Variants in CDH18 observed in about 807,000 individuals in gnomAD.
The protein encoded by CDH18 is cadherin-18.
CDH18 carries 31 observed loss-of-function variants against 67.9 expected under a neutral mutation model. That is an observed-to-expected ratio of 0.46 (90% CI 0.34 to 0.62). The LOEUF (loss-of-function observed/expected upper bound fraction) is 0.62, where lower values mean the gene tolerates loss of function less well. CDH18 is among the 20% of genes least tolerant of loss of function. CDH18 has a pLI of 0.01. For synonymous variants in CDH18, 362 were observed against 347.2 expected (o/e 1.04, Z -0.48); for missense variants, 890 against 975.5 (o/e 0.91, Z 1.17).
At chr5:19,815,005 T>C (rs1779139344) in intron 3 of CDH18, among the ~76,000 whole-genome samples, 1 of 152,070 alleles carries the variant, frequency 6.6e-6, no homozygotes, top group Non-Finnish European at 1.5e-5. Context: ...ACTTAGGAAA[T>C]GCTTTCATTA....
At chr5:20,256,962 TA>T (rs370417243) in intron 1 of CDH18, among the ~76,000 whole-genome samples, 31,972 of 112,974 alleles carry the variant, frequency 0.28, 3,988 homozygotes, top group Non-Finnish European at 0.33. Flanking sequence ...TCTATCTATC[TA>T]ATCTATCTAT....
intron 2 of CDH18, among the ~76,000 whole-genome samples, chr5:20,201,547 T>G (rs1474240556): frequency 1.3e-5 from 2 of 152,160 alleles, no homozygotes; most frequent in Admixed American, 6.6e-5. Flanking sequence ...TTTAGTACTT[T>G]GTACCTGGAT....
chr5:19,536,907 G>C lies in CDH18; in HGVS notation c.1390+6962C>G, dbSNP rs568667551. 3.5e-4 allele frequency among the ~76,000 whole-genome samples: 53 copies of C among 152,224 alleles called. No homozygotes were observed. The East Asian group carries it at 9.7e-3, about 28-fold the overall frequency. On this transcript the variant is annotated intron_variant, in intron 9 of 12. Transcript: ENST00000382275. ...CAGATGAGCAGTGGGTATGGCACTC[G>C]AGGTGATTCAAAAATATAATGTGTA... is the stretch of plus-strand genomic sequence containing the variant.
chr5:20,514,508 G>T, intron 1 of CDH18, among the ~76,000 whole-genome samples: 1 of 152,228 alleles, frequency 6.6e-6, no homozygotes, highest in Middle Eastern at 3.4e-3. Flanking sequence ...AGGGAGTTCA[G>T]ACTTTTGTTT....
intron 1 of CDH18, among the ~76,000 whole-genome samples, chr5:20,360,240 T>C (rs1320175403): frequency 6.6e-6 from 1 of 151,910 alleles, no homozygotes; most frequent in Admixed American, 6.6e-5. Context: ...TATCTATTCT[T>C]TCTCCAGCTT....
At chr5:20,195,713 T>A (rs1261918487) in intron 2 of CDH18, among the ~76,000 whole-genome samples, 1 of 152,100 alleles carries the variant, frequency 6.6e-6, no homozygotes, top group Non-Finnish European at 1.5e-5. Context: ...TGATGGAGGA[T>A]AATTATAAAT....
At chr5:20,173,279 T>C (rs574737720) in intron 2 of CDH18, among the ~76,000 whole-genome samples, 1 of 152,176 alleles carries the variant, frequency 6.6e-6, no homozygotes, top group African/African-American at 2.4e-5. Flanking sequence ...AATTATGGGG[T>C]ATTAGAAATG....
chr5:19,906,296 T>G (rs1342185520), intron 2 of CDH18, among the ~76,000 whole-genome samples: 1 of 151,934 alleles, frequency 6.6e-6, no homozygotes, highest in African/African-American at 2.4e-5. Flanking sequence ...CTACCCCAGA[T>G]CCTTCCCATT....
chr5:19,489,160 G>C (rs1349014316), intron 11 of CDH18, among the ~76,000 whole-genome samples: 6 of 151,184 alleles, frequency 4.0e-5, no homozygotes, highest in Admixed American at 2.0e-4. Context: ...ATTCCACCTA[G>C]TATATAGAAA....
At chr5:19,585,984 G>A (rs754596796) in intron 7 of CDH18, among the ~76,000 whole-genome samples, 19 of 151,930 alleles carry the variant, frequency 1.3e-4, no homozygotes, top group Admixed American at 4.6e-4. Context: ...TTTTTATCGC[G>A]TTGTGATTCA....
intron 1 of CDH18, among the ~76,000 whole-genome samples, chr5:20,477,442 A>G (rs1257980705): frequency 6.6e-6 from 1 of 152,242 alleles, no homozygotes; most frequent in African/African-American, 2.4e-5. Context: ...CAGTGGCCAC[A>G]TAATGTGGAC....
At chr5:19,684,856 T>C (rs1293358565) in intron 5 of CDH18, among the ~76,000 whole-genome samples, 3 of 152,198 alleles carry the variant, frequency 2.0e-5, no homozygotes, top group Admixed American at 2.0e-4. Flanking sequence ...GTCAAGTATC[T>C]TTTATCTTTC....
chr5:20,562,576 T>G (rs1758280055), intron 1 of CDH18, among the ~76,000 whole-genome samples: 1 of 151,674 alleles, frequency 6.6e-6, no homozygotes, highest in South Asian at 2.1e-4. Flanking sequence ...TAGAACGTTA[T>G]ATTCTAATAT....
At chr5:19,880,878 T>C (rs1787569971) in intron 2 of CDH18, among the ~76,000 whole-genome samples, 1 of 152,184 alleles carries the variant, frequency 6.6e-6, no homozygotes, top group Non-Finnish European at 1.5e-5. Flanking sequence ...GTTTCCCATT[T>C]AGTCACTTAT....
chr5:20,452,036 A>C (rs1750493679), intron 1 of CDH18, among the ~76,000 whole-genome samples: 1 of 152,196 alleles, frequency 6.6e-6, no homozygotes, highest in African/African-American at 2.4e-5. Flanking sequence ...TTCAGTTTGC[A>C]GTGCTTTTAA....
rs1373982305 is a variant in CDH18, at chr5:19,755,427, G to GTATATATATATATATATATA, written c.229-8192_229-8191insTATATATATATATATATATA. Among the ~76,000 whole-genome samples, 32 of 44,668 alleles carry GTATATATATATATATATATA rather than the reference G, an allele frequency of 7.2e-4. 8 individuals are homozygous for GTATATATATATATATATATA. The highest frequency in any genetic ancestry group is 2.2e-3 in the South Asian group (2 of 896). 29.3% of individuals were successfully genotyped at this position (44,668 alleles called of 152,430 possible). On this transcript the variant is annotated intron_variant, in intron 3 of 12. Transcript: ENST00000382275. The stretch of plus-strand genomic sequence containing the variant: ...TCTCTAGAGGGACAGAACTAACAGG[G>GTATATATATATATATATATA]TATGTATATATATATATATATATAT...
intron 2 of CDH18, among the ~76,000 whole-genome samples, chr5:20,073,858 A>G (rs1743699244): frequency 1.3e-5 from 2 of 152,216 alleles, no homozygotes; most frequent in Non-Finnish European, 1.5e-5. Flanking sequence ...TGATATGCCT[A>G]TGGAATTTCT....
intron 1 of CDH18, among the ~76,000 whole-genome samples, chr5:20,476,037 C>T (rs925126004): frequency 6.6e-6 from 1 of 152,180 alleles, no homozygotes; most frequent in Admixed American, 6.5e-5. Context: ...CAACTACTCT[C>T]TGTCTCTGTG....
intron 1 of CDH18, chr5:20,305,169 G>A (rs1736310162): frequency 1.5e-5 from 22 of 1,436,708 alleles, no homozygotes; most frequent in Non-Finnish European, 2.0e-5. Context: ...GAGGGGCGCT[G>A]GTTATGTTGT....
Sources: allele counts gnomAD v4.1 joint callset (sites outside exome capture counted in the v4.1 genomes callset), GRCh38; gene constraint gnomAD v4.1.1; transcripts MANE v1.5; gene names NCBI Gene and HGNC (gene_info 2026-07-23, HGNC 2026-07-21).